USP30: variants seen among roughly 807,000 people sequenced by gnomAD.
USP30 encodes ubiquitin specific peptidase 30.
Under a neutral mutation model 68.2 loss-of-function variants are expected in USP30, and 41 were observed. The observed-to-expected ratio is 0.60, with a 90% confidence interval of 0.47 to 0.78. USP30 has a LOEUF of 0.78. Among genes scored for constraint, USP30 ranks in the 30% least tolerant of loss-of-function variants. The probability of loss-of-function intolerance (pLI) is 0.00; values close to 1 mark genes in which losing one functional copy is unlikely to be tolerated. For missense variants in USP30, 522 were observed against 649.4 expected, an observed-to-expected ratio of 0.80 and a Z score of 2.13; for synonymous variants, 229 against 253.7, an observed-to-expected ratio of 0.90 and a Z score of 0.93.
chr12:109,042,888 A>G (rs994467629), intron 3 of USP30, among the ~76,000 whole-genome samples: 4 of 152,212 alleles, frequency 2.6e-5, no homozygotes, highest in African/African-American at 9.6e-5. Flanking sequence ...GAACTAATAA[A>G]TTAATTCAGC....
At chr12:109,035,577 T>A (rs1026449989) in intron 3 of USP30, among the ~76,000 whole-genome samples, 1 of 152,134 alleles carries the variant, frequency 6.6e-6, no homozygotes, top group South Asian at 2.1e-4. Context: ...TTGGCCAGGA[T>A]GGTCTTGATC....
At chr12:109,026,220 C>T (rs142768442) in intron 2 of USP30, among the ~76,000 whole-genome samples, 1,599 of 150,276 alleles carry the variant, frequency 0.011, 16 homozygotes, top group Middle Eastern at 0.034. Flanking sequence ...GGACTGCAGG[C>T]GCATGCCATC....
Position 109,084,978 on chromosome 12 carries a change from AAC to A in USP30, c.1198_1199del (p.Gln400AspfsTer70). Reference sequence around the variant, plus strand: ...TTCTGAATCAGCCAGGGGCCCCCAAAACACAGATTTTTATGAATGGCGCCTGC... The same window carrying A: ...TTCTGAATCAGCCAGGGGCCCCCAAAACAGATTTTTATGAATGGCGCCTGC... The part of the protein sequence containing the change: ...PVLNQPGAPK[T>X]QIFMNGACSP... On this transcript the variant is annotated frameshift_variant, in exon 12 of 13. Coordinates refer to ENST00000257548, the MANE Select transcript of USP30 (RefSeq NM_032663.5). LOFTEE classifies it high-confidence loss of function. The A allele has an allele frequency of 6.2e-7, 1 of 1,602,284 alleles. No individual in the cohort carries two copies. Among genetic ancestry groups the A allele is most frequent in the Non-Finnish European group, 8.5e-7 (1 of 1,173,084 alleles).
chr12:109,053,409 C>T (rs192537481), intron 1 of USP30, among the ~76,000 whole-genome samples: 13 of 152,160 alleles, frequency 8.5e-5, no homozygotes, highest in African/African-American at 3.1e-4. Context: ...TGTTAAAGCC[C>T]TCCGTTCTTG....
At chr12:109,061,845 C>T (rs2041076622) in intron 3 of USP30, among the ~76,000 whole-genome samples, 1 of 152,198 alleles carries the variant, frequency 6.6e-6, no homozygotes, top group Non-Finnish European at 1.5e-5. Flanking sequence ...CAAAAGGAAG[C>T]TATAGGTGAA....
chr12:109,037,035 T>C (rs962078188), intron 3 of USP30, among the ~76,000 whole-genome samples: 3 of 152,192 alleles, frequency 2.0e-5, no homozygotes, highest in East Asian at 3.8e-4. Flanking sequence ...TTTTCTCCTT[T>C]CTTTCTGGAA....
At chr12:109,045,841 G>A (rs1204638298) in intron 3 of USP30, among the ~76,000 whole-genome samples, 4 of 152,246 alleles carry the variant, frequency 2.6e-5, no homozygotes, top group South Asian at 2.1e-4. Flanking sequence ...GTATGCACAC[G>A]TATAGATCAT....
chr12:109,061,690 A>G (rs189595592), intron 3 of USP30, among the ~76,000 whole-genome samples: 1 of 152,192 alleles, frequency 6.6e-6, no homozygotes, highest in African/African-American at 2.4e-5. Flanking sequence ...GATTGCGGAC[A>G]TGAGCCACCA....
At position 109,071,707 on chromosome 12, in the gene USP30, G is replaced by A. The variant is rs1375021571; in HGVS notation, c.576G>A (p.Leu192=). 6.2e-7 allele frequency: 1 copy of A among 1,613,892 alleles called. No homozygotes were observed. Among genetic ancestry groups the A allele is most frequent in the Middle Eastern group, 1.7e-4 (1 of 6,060 alleles). Residue 192 remains leucine (L), a synonymous_variant, in exon 5 of 13, where the codon CTG becomes CTA. Coordinates refer to ENST00000257548, the MANE Select transcript of USP30 (RefSeq NM_032663.5). ...RVTHLFDVHS[L]EQQSEITPKQ... is the part of the protein sequence containing the mutation. ...CACATTTGTTTGATGTGCATTCCCT[G>A]GAGGTAAACCATTAATATTTCCAAC...
rs541982725 is a variant in USP30 at position 109,083,158 on chromosome 12, C to G, written c.1168+96C>G. On this transcript the variant is annotated intron_variant, in intron 11 of 12. Coordinates refer to ENST00000257548, the MANE Select transcript of USP30 (RefSeq NM_032663.5). ...TTCTGGGTCCCTTATGACAGGAGCA[C>G]AAGGCTTGTACAATGGTGCTTAAAC... 111 of 1,259,120 alleles carry G rather than the reference C, an allele frequency of 8.8e-5. 1 individual carries two copies. In the South Asian group the frequency reaches 1.5e-3, roughly 17 times the overall value. 78.0% of individuals were successfully genotyped at this position (1,259,120 alleles called of 1,614,324 possible).
intron 7 of USP30, among the ~76,000 whole-genome samples, chr12:109,076,348 C>A (rs931490761): frequency 2.0e-5 from 3 of 151,546 alleles, no homozygotes; most frequent in African/African-American, 7.3e-5. Context: ...TGTATGCAAA[C>A]AGTCATGTTG....
chr12:109,063,265 A>G (rs2041138068), intron 3 of USP30, among the ~76,000 whole-genome samples: 1 of 151,920 alleles, frequency 6.6e-6, no homozygotes, highest in Non-Finnish European at 1.5e-5. Context: ...ACACCTGGCT[A>G]ATTTTTTGTA....
intron 11 of USP30, 111 bp from the exon 12 acceptor site, chr12:109,084,842 A>G (rs998710549): frequency 4.0e-6 from 5 of 1,249,728 alleles, no homozygotes; most frequent in Non-Finnish European, 5.3e-6. Flanking sequence ...AATGAAATAG[A>G]TTTTTTTCTT....
At chr12:109,025,339 A>G (rs920329697) in intron 2 of USP30, among the ~76,000 whole-genome samples, 1 of 151,796 alleles carries the variant, frequency 6.6e-6, no homozygotes, top group African/African-American at 2.4e-5. Flanking sequence ...TATCTATGTA[A>G]TATATTATAT....
chr12:109,024,671 G>C (rs2040431894), intron 1 of USP30: 1 of 152,156 alleles, frequency 6.6e-6, no homozygotes, highest in South Asian at 2.1e-4. Context: ...CCAGGCTGGA[G>C]TGCAGTGGCG....
At chr12:109,053,198 T>G (rs955684777) in intron 1 of USP30, among the ~76,000 whole-genome samples, 1 of 152,154 alleles carries the variant, frequency 6.6e-6, no homozygotes, top group Non-Finnish European at 1.5e-5. Context: ...ACGGTTCTTC[T>G]AGTCCTATAA....
At chr12:109,071,321 C>A (rs892527863) in intron 4 of USP30, among the ~76,000 whole-genome samples, 1 of 152,182 alleles carries the variant, frequency 6.6e-6, no homozygotes, top group Non-Finnish European at 1.5e-5. Context: ...CTTTTGAAAT[C>A]GGAGTGGAGG....
intron 3 of USP30, among the ~76,000 whole-genome samples, chr12:109,059,031 C>T (rs1566088070): frequency 1.3e-5 from 2 of 152,082 alleles, no homozygotes; most frequent in Non-Finnish European, 2.9e-5. Context: ...TGGGAGTCCG[C>T]CTTATGAAAA....
chr12:109,065,277 G>A (rs1193508560), intron 3 of USP30, among the ~76,000 whole-genome samples: 1 of 152,222 alleles, frequency 6.6e-6, no homozygotes, highest in Non-Finnish European at 1.5e-5. Flanking sequence ...CTGGGAAGGA[G>A]GGTGGCCAAG....
Sources: gnomAD v4.1 joint callset for allele counts (sites outside exome capture counted in the v4.1 genomes callset) on GRCh38, gnomAD v4.1.1 for gene constraint, MANE v1.5 for transcripts, NCBI Gene and HGNC (gene_info 2026-07-23, HGNC 2026-07-21) for gene names.